Variants in RORA observed in about 807,000 individuals in gnomAD.
The protein encoded by RORA is nuclear receptor ROR-alpha.
Under a neutral mutation model 69.5 loss-of-function variants are expected in RORA, and 7 were observed. The ratio of observed to expected loss-of-function variants is 0.10; its 90% CI spans 0.06 to 0.19. The LOEUF is 0.19. Ranked by LOEUF, RORA falls within the 10% of genes least tolerant of loss-of-function variation. The pLI, the probability that RORA is intolerant of heterozygous loss-of-function variation, is 1.00. For synonymous variants in RORA, 261 were observed against 240.8 expected, an observed-to-expected ratio of 1.08 and a Z score of -0.78; for missense variants, 457 against 663.0, an observed-to-expected ratio of 0.69 and a Z score of 3.41.
chr15:61,099,867 A>G (rs575233652), intron 1 of RORA, among the ~76,000 whole-genome samples: 1 of 152,358 alleles, frequency 6.6e-6, no homozygotes, highest in East Asian at 1.9e-4. Context: ...ATTCGTTTGT[A>G]GGACACTCCT....
chr15:60,627,499 A>G, intron 2 of RORA: 1 of 1,526,670 alleles, frequency 6.6e-7, no homozygotes, highest in Non-Finnish European at 8.8e-7. Context: ...GGGGAGGAGT[A>G]TGGGGGATAA....
intron 1 of RORA, among the ~76,000 whole-genome samples, chr15:60,958,475 T>G (rs1893331368): frequency 1.3e-5 from 2 of 152,182 alleles, no homozygotes; most frequent in Admixed American, 1.3e-4. Context: ...ATTTTGCCCC[T>G]GAAACTGAAT....
At chr15:60,737,870 C>T (rs2071523317) in intron 1 of RORA, among the ~76,000 whole-genome samples, 1 of 152,224 alleles carries the variant, frequency 6.6e-6, no homozygotes, top group Non-Finnish European at 1.5e-5. Flanking sequence ...AGAGCTGCTC[C>T]TTTTTGTGAC....
chr15:61,227,153 G>A (rs1596086632), intron 1 of RORA, among the ~76,000 whole-genome samples: 1 of 150,630 alleles, frequency 6.6e-6, no homozygotes. Context: ...AAGGAGAAAG[G>A]TGGCAGCACA....
intron 1 of RORA, among the ~76,000 whole-genome samples, chr15:60,827,946 G>C (rs1299101683): frequency 3.9e-5 from 6 of 152,214 alleles, no homozygotes; most frequent in Admixed American, 6.5e-5. Context: ...TGGTATAGTG[G>C]TTGGCATGTA....
chr15:60,958,009 A>G (rs1207396497), intron 1 of RORA, among the ~76,000 whole-genome samples: 1 of 151,988 alleles, frequency 6.6e-6, no homozygotes, highest in Non-Finnish European at 1.5e-5. Flanking sequence ...TAATTAGCCA[A>G]CTGCTTTGAT....
chr15:60,622,244 A>C (rs2069431940), intron 2 of RORA, among the ~76,000 whole-genome samples: 1 of 152,178 alleles, frequency 6.6e-6, no homozygotes, highest in South Asian at 2.1e-4. Flanking sequence ...CTTTTCTATA[A>C]GTTTGAAATT....
intron 1 of RORA, among the ~76,000 whole-genome samples, chr15:60,800,632 G>A (rs945689434): frequency 6.6e-6 from 1 of 152,132 alleles, no homozygotes; most frequent in African/African-American, 2.4e-5. Context: ...AACTCAGGGG[G>A]CGAGAGACTT....
chr15:61,042,276 C>T (rs544880354), intron 1 of RORA, among the ~76,000 whole-genome samples: 1 of 152,206 alleles, frequency 6.6e-6, no homozygotes, highest in East Asian at 1.9e-4. Context: ...TTGTCCAAAC[C>T]ATGAAAGAAG....
intron 1 of RORA, among the ~76,000 whole-genome samples, chr15:61,193,542 A>C (rs1217212166): frequency 2.0e-5 from 3 of 152,144 alleles, no homozygotes; most frequent in African/African-American, 7.2e-5. Context: ...CTGAAGTTTG[A>C]TCTCCTCCTT....
intron 1 of RORA, among the ~76,000 whole-genome samples, chr15:60,977,690 C>T (rs1033065808): frequency 2.6e-5 from 4 of 152,144 alleles, no homozygotes; most frequent in African/African-American, 4.8e-5. Flanking sequence ...TGAACATTTC[C>T]TATGAATGGA....
intron 1 of RORA, among the ~76,000 whole-genome samples, chr15:60,844,260 T>C (rs2073236883): frequency 6.6e-6 from 1 of 152,226 alleles, no homozygotes; most frequent in African/African-American, 2.4e-5. Flanking sequence ...GACTCAGTCA[T>C]ATTCATCTTT....
chr15:61,192,262 T>C (rs541153494), intron 1 of RORA, among the ~76,000 whole-genome samples: 2 of 152,366 alleles, frequency 1.3e-5, no homozygotes, highest in East Asian at 3.9e-4. Context: ...ATTCTGTAAA[T>C]TAATGTGTTT....
At chr15:60,791,412 G>C (rs1295536173) in intron 1 of RORA, among the ~76,000 whole-genome samples, 4 of 152,222 alleles carry the variant, frequency 2.6e-5, no homozygotes, top group South Asian at 2.1e-4. Context: ...ATGGAATGCA[G>C]TCAAAAGTCC....
chr15:60,874,997 T>C (rs1300639156), intron 1 of RORA, among the ~76,000 whole-genome samples: 1 of 152,136 alleles, frequency 6.6e-6, no homozygotes, highest in Admixed American at 6.5e-5. Context: ...ATTCTAGCTA[T>C]TCATCAGAAC....
At chr15:60,907,241 G>A (rs992319298) in intron 1 of RORA, among the ~76,000 whole-genome samples, 1 of 152,196 alleles carries the variant, frequency 6.6e-6, no homozygotes, top group Admixed American at 6.5e-5. Context: ...GAAGAGTATG[G>A]AAGAAGAGGC....
In RORA at chr15:60,490,160, A is replaced by G. The variant is rs1036293276; in HGVS notation, c.*7295T>C. On this transcript the variant is annotated 3_prime_UTR_variant, in exon 11 of 11. Transcript: ENST00000335670. This position sits in a 1 kb window ranked among gnomAD's most constrained non-coding sequence, Gnocchi z 4.1. ...AGCTGCCAGTTGGGCATAGGTAGAT[A>G]TATATATATATGTATATATATACAA... is the stretch of plus-strand genomic sequence containing the variant. The G allele has an allele frequency of 5.3e-5, 8 of 150,446 alleles. No individual in the cohort carries two copies. The highest frequency in any genetic ancestry group is 1.9e-4 in the African/African-American group (8 of 41,052). 9.3% of individuals were successfully genotyped at this position (150,446 alleles called of 1,614,324 possible). A position where few individuals can be genotyped will look rare whatever the true frequency, so the allele number is the denominator to read the frequency against.
chr15:60,935,510 C>A (rs1488316397), intron 1 of RORA, among the ~76,000 whole-genome samples: 1 of 152,126 alleles, frequency 6.6e-6, no homozygotes, highest in Admixed American at 6.5e-5. Flanking sequence ...TTATCACCAC[C>A]AAATACACCA....
intron 1 of RORA, among the ~76,000 whole-genome samples, chr15:61,084,614 T>C (rs1214616483): frequency 1.3e-5 from 2 of 152,224 alleles, no homozygotes; most frequent in African/African-American, 4.8e-5. Context: ...GTTTGAGTTC[T>C]CTTGGCAGAA....
Sources: gnomAD v4.1 joint callset for allele counts (sites outside exome capture counted in the v4.1 genomes callset) on GRCh38, gnomAD v4.1.1 for gene constraint, Gnocchi (gnomAD v3.1) non-coding constraint, MANE v1.5 for transcripts, NCBI Gene and HGNC (gene_info 2026-07-23, HGNC 2026-07-21) for gene names.